Variants in OPCML observed in about 807,000 individuals in gnomAD.
OPCML encodes opioid binding protein/cell adhesion molecule like.
OPCML carries 13 observed loss-of-function variants against 37.8 expected under a neutral mutation model. That is an observed-to-expected ratio of 0.34 (90% CI 0.22 to 0.55). The LOEUF (loss-of-function observed/expected upper bound fraction) is 0.55. Ranked by LOEUF, OPCML falls within the 20% of genes least tolerant of loss-of-function variation. The probability of loss-of-function intolerance (pLI) is 0.91; values close to 1 mark genes in which losing one functional copy is unlikely to be tolerated. For missense variants in OPCML, 341 were observed against 435.6 expected, an observed-to-expected ratio of 0.78 and a Z score of 1.93; for synonymous variants, 176 against 168.8, an observed-to-expected ratio of 1.04 and a Z score of -0.33.
At chr11:132,583,293 TTTTG>T (rs761566194) in intron 3 of OPCML, among the ~76,000 whole-genome samples, 41 of 151,908 alleles carry the variant, frequency 2.7e-4, no homozygotes, top group East Asian at 3.9e-4. Flanking sequence ...TTAGGCTATT[TTTTG>T]TTTGTTTGTT....
At chr11:132,867,274 A>G (rs893310631) in intron 2 of OPCML, among the ~76,000 whole-genome samples, 3 of 152,180 alleles carry the variant, frequency 2.0e-5, no homozygotes, top group African/African-American at 7.2e-5. Flanking sequence ...CGCTGGGAGA[A>G]CTCAATTCAT....
chr11:133,245,825 G>A (rs759009366), intron 1 of OPCML, among the ~76,000 whole-genome samples: 2 of 152,154 alleles, frequency 1.3e-5, no homozygotes, highest in Non-Finnish European at 2.9e-5. Context: ...CAGGGACATG[G>A]ATAAAGCCGG....
At chr11:132,737,085 T>C (rs1021362796) in intron 2 of OPCML, among the ~76,000 whole-genome samples, 1 of 152,200 alleles carries the variant, frequency 6.6e-6, no homozygotes, top group Non-Finnish European at 1.5e-5. Flanking sequence ...GTGGACACTG[T>C]TGTCTCCTGG....
chr11:132,521,775 T>C (rs753064224), intron 4 of OPCML, among the ~76,000 whole-genome samples: 13 of 152,114 alleles, frequency 8.5e-5, no homozygotes, highest in Non-Finnish European at 1.6e-4. Context: ...TAAATTAAAA[T>C]TAAAATTAAA....
intron 2 of OPCML, among the ~76,000 whole-genome samples, chr11:132,749,479 AG>A (rs1371227865): frequency 6.6e-6 from 1 of 152,110 alleles, no homozygotes; most frequent in East Asian, 1.9e-4. Flanking sequence ...GAGACCCTGG[AG>A]GTTAGTTTTT....
chr11:133,494,130 T>G (rs1947727851), intron 1 of OPCML, among the ~76,000 whole-genome samples: 1 of 152,030 alleles, frequency 6.6e-6, no homozygotes, highest in Admixed American at 6.6e-5. Context: ...ATGCTCACCA[T>G]CACTGGCCAT....
chr11:132,540,973 C>T (rs2096354979), intron 3 of OPCML, among the ~76,000 whole-genome samples: 1 of 152,160 alleles, frequency 6.6e-6, no homozygotes, highest in Admixed American at 6.5e-5. Flanking sequence ...GACTTGTAGG[C>T]TCCCTGGAGA....
At chr11:132,774,211 C>T (rs1025308372) in intron 2 of OPCML, among the ~76,000 whole-genome samples, 4 of 152,174 alleles carry the variant, frequency 2.6e-5, no homozygotes, top group Admixed American at 1.3e-4. Context: ...CATACAAATG[C>T]AGTGCTGATG....
At chr11:133,503,384 C>A (rs1046925264) in intron 1 of OPCML, among the ~76,000 whole-genome samples, 1 of 152,130 alleles carries the variant, frequency 6.6e-6, no homozygotes, top group African/African-American at 2.4e-5. Context: ...TGGTCAACAA[C>A]CCCTCCCTCA....
intron 1 of OPCML, among the ~76,000 whole-genome samples, chr11:133,395,656 T>A (rs1337511244): frequency 6.6e-6 from 1 of 152,226 alleles, no homozygotes; most frequent in East Asian, 1.9e-4. Context: ...TTCCCCAATG[T>A]ATATTCTTGT....
At position 133,205,978 on chromosome 11, in the gene OPCML, G is replaced by A. The variant is rs1301269852; in HGVS notation, c.62-262968C>T. Among the ~76,000 whole-genome samples, 2 of 152,166 alleles carry A rather than the reference G, an allele frequency of 1.3e-5. No homozygotes were observed. Among genetic ancestry groups the A allele is most frequent in the African/African-American group, 4.8e-5 (2 of 41,448 alleles). ...AGTTATGTATATCCACTTAGCCCCA[G>A]CTCCCTGATGGGTGAGATGGAGATG... is the stretch of plus-strand genomic sequence containing the variant. On this transcript the variant is annotated intron_variant, in intron 1 of 7. Coordinates refer to ENST00000524381, the MANE Select transcript of OPCML (RefSeq NM_001012393.5). This position sits in a 1 kb window ranked among gnomAD's most constrained non-coding sequence, Gnocchi z 4.8.
intron 1 of OPCML, among the ~76,000 whole-genome samples, chr11:133,091,455 GC>G (rs1412834915): frequency 2.0e-5 from 3 of 152,210 alleles, no homozygotes; most frequent in East Asian, 3.9e-4. Context: ...CTTCAATAAT[GC>G]AAACTGAAGT....
intron 3 of OPCML, among the ~76,000 whole-genome samples, chr11:132,559,822 G>A (rs1050316827): frequency 6.6e-6 from 1 of 152,180 alleles, no homozygotes; most frequent in Non-Finnish European, 1.5e-5. Flanking sequence ...TCTGAAGTTT[G>A]TGCTAAAACC....
In OPCML at chr11:132,657,182, A is replaced by G; in HGVS notation, c.284T>C (p.Ile95Thr). The part of the protein sequence containing the change: ...VNTPTQYSIM[I>T]QNVDVYDEGP... ...TTCGTCATACACATCCACATTTTGG[A>G]TCATGATGCTGTACTGGGTTGGTGT... The change falls in exon 3 of 8, where the codon ATC becomes ACC. Residue 95 changes from isoleucine to threonine, a missense_variant. Coordinates refer to ENST00000524381, the MANE Select transcript of OPCML (RefSeq NM_001012393.5). The G allele has an allele frequency of 6.2e-7, 1 of 1,614,214 alleles. No individual in the cohort carries two copies.
chr11:133,370,970 G>A (rs1944661625), intron 1 of OPCML, among the ~76,000 whole-genome samples: 1 of 152,170 alleles, frequency 6.6e-6, no homozygotes, highest in Non-Finnish European at 1.5e-5. Flanking sequence ...AAATGATTCA[G>A]CGGCAAAACA....
At chr11:132,453,866 G>T (rs928337955) in intron 4 of OPCML, among the ~76,000 whole-genome samples, 1 of 152,156 alleles carries the variant, frequency 6.6e-6, no homozygotes, top group Non-Finnish European at 1.5e-5. Flanking sequence ...CACACTGCAG[G>T]TTATTTCCTT....
chr11:132,498,993 T>G (rs1378185519), intron 4 of OPCML, among the ~76,000 whole-genome samples: 5 of 152,254 alleles, frequency 3.3e-5, no homozygotes, highest in African/African-American at 1.2e-4. Flanking sequence ...GATACTATTT[T>G]AGGCTTTCTG....
At chr11:133,450,458 C>G (rs935637642) in intron 1 of OPCML, among the ~76,000 whole-genome samples, 1 of 151,356 alleles carries the variant, frequency 6.6e-6, no homozygotes, top group Non-Finnish European at 1.5e-5. Context: ...CTGTAATCAA[C>G]CTTTCTAATT....
At chr11:133,495,269 T>C (rs549764686) in intron 1 of OPCML, among the ~76,000 whole-genome samples, 1 of 152,360 alleles carries the variant, frequency 6.6e-6, no homozygotes, top group Admixed American at 6.5e-5. Context: ...TATTCCATTG[T>C]ATATATACCA....
Sources: gnomAD v4.1 joint callset for allele counts (sites outside exome capture counted in the v4.1 genomes callset) on GRCh38, gnomAD v4.1.1 for gene constraint, Gnocchi (gnomAD v3.1) non-coding constraint, MANE v1.5 for transcripts, NCBI Gene and HGNC (gene_info 2026-07-23, HGNC 2026-07-21) for gene names.